The following EFCAB6 variants were observed in gnomAD, a reference collection of about 807,000 sequenced individuals.
EFCAB6 encodes the protein EF-hand calcium-binding domain-containing protein 6.
A neutral mutation model predicts 169.8 loss-of-function variants in EFCAB6; 156 were observed. That is an observed-to-expected ratio of 0.92 (90% CI 0.81 to 1.05). The LOEUF is 1.05. Ranked by LOEUF, EFCAB6 falls within the 50% of genes least tolerant of loss-of-function variation. The pLI is 0.00. For missense variants in EFCAB6, 1,800 were observed against 1,829.1 expected, an observed-to-expected ratio of 0.98 and a Z score of 0.29; for synonymous variants, 698 against 676.4, an observed-to-expected ratio of 1.03 and a Z score of -0.50.
chr22:43,575,563 G>T (rs1280141434), intron 26 of EFCAB6, among the ~76,000 whole-genome samples: 1 of 151,838 alleles, frequency 6.6e-6, no homozygotes, highest in African/African-American at 2.4e-5. Flanking sequence ...AATCTAAAAT[G>T]CATTACTATA....
At chr22:43,706,825 C>T (rs2058977726) in intron 10 of EFCAB6, among the ~76,000 whole-genome samples, 1 of 152,198 alleles carries the variant, frequency 6.6e-6, no homozygotes, top group South Asian at 2.1e-4. Context: ...TTGCTAACTT[C>T]CCAGCCAGCA....
chr22:43,761,163 G>A (rs529045792), intron 5 of EFCAB6, among the ~76,000 whole-genome samples: 1 of 152,314 alleles, frequency 6.6e-6, no homozygotes, highest in Admixed American at 6.5e-5. Flanking sequence ...CAAGGATGCA[G>A]TAAAGAGGCC....
intron 26 of EFCAB6, among the ~76,000 whole-genome samples, chr22:43,571,047 CA>C (rs568832029): frequency 2.0e-5 from 3 of 152,170 alleles, no homozygotes; most frequent in Non-Finnish European, 4.4e-5. Flanking sequence ...ATGGTCAAGC[CA>C]CACAGCAGGG....
Position 43,572,942 on chromosome 22 carries a change from G to C in EFCAB6, c.3420+3355C>G, listed in dbSNP as rs780875957. On this transcript the variant is annotated intron_variant, in intron 26 of 31. Transcript: ENST00000262726. The surrounding 1 kb of genome is among the most constrained non-coding windows in gnomAD (Gnocchi z 4.0). Reference sequence around the variant, plus strand: ...CCACACGATGGAATGGCACATGCTAGATGGAATCCATGCTTTAGAGGAAAA... The same window carrying C: ...CCACACGATGGAATGGCACATGCTACATGGAATCCATGCTTTAGAGGAAAA... Among the ~76,000 whole-genome samples, 5 of 152,242 alleles carry C rather than the reference G, an allele frequency of 3.3e-5. No homozygotes were observed. The highest frequency in any genetic ancestry group is 5.9e-5 in the Non-Finnish European group (4 of 68,050).
At chr22:43,690,169 A>G (rs1298248526) in intron 10 of EFCAB6, among the ~76,000 whole-genome samples, 1 of 152,030 alleles carries the variant, frequency 6.6e-6, no homozygotes, top group South Asian at 2.1e-4. Context: ...CCTTCCTCCA[A>G]TGTATTTCCA....
chr22:43,645,113 C>T (rs557330609), intron 17 of EFCAB6, among the ~76,000 whole-genome samples: 3 of 152,150 alleles, frequency 2.0e-5, no homozygotes, highest in Admixed American at 6.5e-5. Flanking sequence ...GTATCACATA[C>T]GGAGGTCTTG....
chr22:43,622,909 G>A (rs563114228), intron 20 of EFCAB6, among the ~76,000 whole-genome samples: 87 of 152,316 alleles, frequency 5.7e-4, no homozygotes, highest in African/African-American at 2.1e-3. Flanking sequence ...AGAAGACAAC[G>A]ACACCATGCT....
intron 21 of EFCAB6, among the ~76,000 whole-genome samples, chr22:43,613,722 A>G (rs1048438491): frequency 1.3e-5 from 2 of 152,188 alleles, no homozygotes; most frequent in African/African-American, 4.8e-5. Context: ...GCATGAATTT[A>G]CTTATATAAT....
intron 10 of EFCAB6, among the ~76,000 whole-genome samples, chr22:43,698,553 C>T (rs2058660355): frequency 6.6e-6 from 1 of 152,156 alleles, no homozygotes; most frequent in Non-Finnish European, 1.5e-5. Flanking sequence ...TTACCACATA[C>T]CCCATATCAC....
chr22:43,717,373 TAA>T (rs781138426), intron 8 of EFCAB6, among the ~76,000 whole-genome samples: 13 of 128,772 alleles, frequency 1.0e-4, no homozygotes, highest in Admixed American at 7.8e-5. Context: ...TTTTGTTTGG[TAA>T]AAAAAAAAAA....
intron 10 of EFCAB6, among the ~76,000 whole-genome samples, chr22:43,697,312 T>C (rs1415327292): frequency 6.6e-6 from 1 of 152,210 alleles, no homozygotes; most frequent in East Asian, 1.9e-4. Flanking sequence ...AAAGGTTTCT[T>C]TAATGACATG....
chr22:43,790,447 TG>T (rs2062241669), intron 2 of EFCAB6, among the ~76,000 whole-genome samples: 1 of 152,150 alleles, frequency 6.6e-6, no homozygotes, highest in Non-Finnish European at 1.5e-5. Context: ...ACTGTAGAAA[TG>T]GAAGGCAGGC....
At chr22:43,648,673 G>A (rs2056310707) in intron 17 of EFCAB6, among the ~76,000 whole-genome samples, 1 of 152,100 alleles carries the variant, frequency 6.6e-6, no homozygotes, top group Non-Finnish European at 1.5e-5. Flanking sequence ...AAATACCCAC[G>A]TAACAAACCA....
intron 17 of EFCAB6, among the ~76,000 whole-genome samples, chr22:43,659,461 C>A (rs2056902834): frequency 6.6e-6 from 1 of 152,072 alleles, no homozygotes; most frequent in Non-Finnish European, 1.5e-5. Flanking sequence ...GTGTTTGTGA[C>A]CAGCCTGGGC....
At chr22:43,702,060 A>AG (rs2058785565) in intron 10 of EFCAB6, among the ~76,000 whole-genome samples, 2 of 152,340 alleles carry the variant, frequency 1.3e-5, no homozygotes, top group South Asian at 2.1e-4. Flanking sequence ...GTACATGGGA[A>AG]GGTCCAGCCT....
intron 19 of EFCAB6, among the ~76,000 whole-genome samples, chr22:43,631,000 C>T (rs531345658): frequency 2.6e-4 from 40 of 152,132 alleles, no homozygotes; most frequent in African/African-American, 8.0e-4. Context: ...CATAAATACA[C>T]GGGCATGTGG....
chr22:43,586,596 CA>C lies in EFCAB6; in HGVS notation c.3032+3477del, dbSNP rs150419235. ...AGAAGGCAATTAGCTCAAGTTGTTT[CA>C]GGGTAAAAGTGTATGAGAATAAGAC... On this transcript the variant is annotated intron_variant, in intron 24 of 31. Transcript: ENST00000262726. Among the ~76,000 whole-genome samples the C allele has an allele frequency of 3.2e-4, 48 of 152,146 alleles. No individual in the cohort carries two copies. In the East Asian group the frequency reaches 8.9e-3, roughly 28 times the overall value.
chr22:43,582,660 A>G (rs1193268291), intron 24 of EFCAB6, among the ~76,000 whole-genome samples: 2 of 152,176 alleles, frequency 1.3e-5, no homozygotes, highest in East Asian at 3.9e-4. Context: ...TAGTGGAGGC[A>G]GCACAGGATG....
intron 22 of EFCAB6, among the ~76,000 whole-genome samples, chr22:43,607,341 G>A (rs2052996424): frequency 6.6e-6 from 1 of 152,178 alleles, no homozygotes; most frequent in African/African-American, 2.4e-5. Context: ...CAGGGGTTTT[G>A]CACAGTTGTT....
Sources: gnomAD v4.1 joint callset for allele counts (sites outside exome capture counted in the v4.1 genomes callset) on GRCh38, gnomAD v4.1.1 for gene constraint, Gnocchi (gnomAD v3.1) non-coding constraint, MANE v1.5 for transcripts, NCBI Gene and HGNC (gene_info 2026-07-23, HGNC 2026-07-21) for gene names.